Variants in KHDRBS3 observed in about 807,000 individuals in gnomAD.
KHDRBS3 encodes the protein KH domain-containing, RNA-binding, signal transduction-associated protein 3.
A neutral mutation model predicts 45.6 loss-of-function variants in KHDRBS3; 23 were observed. The ratio of observed to expected loss-of-function variants is 0.50; its 90% confidence interval spans 0.36 to 0.72. The LOEUF (loss-of-function observed/expected upper bound fraction) is 0.72, where lower values mean the gene tolerates loss of function less well. KHDRBS3 is among the 30% of genes least tolerant of loss of function. The pLI is 0.00. For synonymous variants in KHDRBS3, 162 were observed against 156.5 expected (o/e 1.04, Z -0.26); for missense variants, 352 against 424.8 (o/e 0.83, Z 1.51).
At chr8:135,636,041 C>T (rs1300616481) in intron 7 of KHDRBS3, among the ~76,000 whole-genome samples, 1 of 152,154 alleles carries the variant, frequency 6.6e-6, no homozygotes, top group Non-Finnish European at 1.5e-5. Context: ...AGTTGTTTTA[C>T]TTAAAGTGAC....
At chr8:135,614,429 G>A (rs956083846) in intron 7 of KHDRBS3, among the ~76,000 whole-genome samples, 3 of 151,688 alleles carry the variant, frequency 2.0e-5, no homozygotes, top group South Asian at 4.1e-4. Flanking sequence ...TATATTTGAT[G>A]TCTTATTTAC....
chr8:135,467,534 C>T (rs996638928), intron 1 of KHDRBS3, among the ~76,000 whole-genome samples: 2 of 152,242 alleles, frequency 1.3e-5, no homozygotes, highest in African/African-American at 2.4e-5. Flanking sequence ...CTTTGCCTTT[C>T]GTGATAGGCA....
chr8:135,588,305 G>A (rs945750047), intron 6 of KHDRBS3, among the ~76,000 whole-genome samples: 1 of 152,168 alleles, frequency 6.6e-6, no homozygotes, highest in Non-Finnish European at 1.5e-5. Flanking sequence ...TCAGATGGAA[G>A]AGACACATAG....
intron 1 of KHDRBS3, among the ~76,000 whole-genome samples, chr8:135,502,795 T>C (rs1045522280): frequency 6.6e-6 from 1 of 152,336 alleles, no homozygotes; most frequent in African/African-American, 2.4e-5. Context: ...AAAGAATAAA[T>C]GTCTCAATTT....
chr8:135,621,958 A>G (rs1830161562), intron 7 of KHDRBS3, among the ~76,000 whole-genome samples: 1 of 151,998 alleles, frequency 6.6e-6, no homozygotes, highest in East Asian at 1.9e-4. Flanking sequence ...CACTGGTCCA[A>G]GTGAATGTCA....
chr8:135,558,315 T>TC (rs5895314), intron 5 of KHDRBS3, among the ~76,000 whole-genome samples: 87,588 of 151,984 alleles, frequency 0.58, 26,196 homozygotes, highest in East Asian at 0.78. Context: ...TATGACTATC[T>TC]CAAATTTATT....
intron 7 of KHDRBS3, among the ~76,000 whole-genome samples, chr8:135,631,339 T>G (rs1276983017): frequency 6.6e-6 from 1 of 152,146 alleles, no homozygotes; most frequent in Non-Finnish European, 1.5e-5. Flanking sequence ...CTTTAGTTTT[T>G]TAACTTTTTG....
chr8:135,613,648 C>G (rs547922352), intron 7 of KHDRBS3, among the ~76,000 whole-genome samples: 1 of 151,746 alleles, frequency 6.6e-6, no homozygotes, highest in African/African-American at 2.4e-5. Flanking sequence ...TCTGGGAAAC[C>G]TGCAAGGACT....
At chr8:135,604,868 C>T (rs1467814656) in intron 6 of KHDRBS3, among the ~76,000 whole-genome samples, 6 of 150,658 alleles carry the variant, frequency 4.0e-5, no homozygotes, top group Non-Finnish European at 8.9e-5. Context: ...TTTGTCTTAA[C>T]TTCTCCTTCA....
At chr8:135,473,312 C>T (rs566765880) in intron 1 of KHDRBS3, among the ~76,000 whole-genome samples, 39 of 152,270 alleles carry the variant, frequency 2.6e-4, no homozygotes, top group African/African-American at 8.2e-4. Context: ...ATTTAGACGA[C>T]GCGCTTTGTG....
At chr8:135,527,906 AT>A (rs1825275258) in intron 2 of KHDRBS3, among the ~76,000 whole-genome samples, 1 of 152,178 alleles carries the variant, frequency 6.6e-6, no homozygotes, top group Non-Finnish European at 1.5e-5. Context: ...CTGTACATGA[AT>A]GTTTTAATAA....
intron 7 of KHDRBS3, among the ~76,000 whole-genome samples, chr8:135,622,412 T>C (rs1830184762): frequency 6.6e-6 from 1 of 152,202 alleles, no homozygotes; most frequent in African/African-American, 2.4e-5. Context: ...GATATGCAGA[T>C]TGATGTAAGT....
chr8:135,489,803 T>C (rs905912434), intron 1 of KHDRBS3, among the ~76,000 whole-genome samples: 4 of 152,180 alleles, frequency 2.6e-5, no homozygotes, highest in Non-Finnish European at 4.4e-5. Flanking sequence ...TTCTTAATAA[T>C]TCAGTGTAGC....
At chr8:135,559,751 A>G (rs1827078869) in intron 5 of KHDRBS3, among the ~76,000 whole-genome samples, 1 of 152,238 alleles carries the variant, frequency 6.6e-6, no homozygotes, top group Non-Finnish European at 1.5e-5. Flanking sequence ...GTAAATGCAG[A>G]TAAATAGTGA....
In KHDRBS3 at chr8:135,607,029, A is replaced by C; in HGVS notation, c.882A>C (p.Pro294=). ...CCTATGATAACAGCTATAGCACCCC[A>C]GCCCAAAGGTAAGAGTCAGTCTTTA... ...YDSYDNSYST[P]AQSGADYYDY... is the part of the protein sequence containing the mutation. Residue 294 remains proline, a synonymous_variant, in exon 7 of 9, where the codon CCA becomes CCC. Transcript: ENST00000355849. The C allele has an allele frequency of 1.2e-6, 2 of 1,612,644 alleles. No individual in the cohort carries two copies. The highest frequency in any genetic ancestry group is 1.7e-6 in the Non-Finnish European group (2 of 1,178,936).
At chr8:135,460,223 G>A (rs763466831) in intron 1 of KHDRBS3, among the ~76,000 whole-genome samples, 3 of 152,236 alleles carry the variant, frequency 2.0e-5, no homozygotes, top group Non-Finnish European at 4.4e-5. Flanking sequence ...GTTTTCAGCA[G>A]TTATTCACAT....
chr8:135,576,156 A>G (rs1445746820), intron 5 of KHDRBS3, among the ~76,000 whole-genome samples: 1 of 152,236 alleles, frequency 6.6e-6, no homozygotes, highest in African/African-American at 2.4e-5. Flanking sequence ...CATATCAAGT[A>G]TACGTACTGT....
intron 7 of KHDRBS3, among the ~76,000 whole-genome samples, chr8:135,636,054 G>C (rs1376436802): frequency 6.6e-6 from 1 of 152,118 alleles, no homozygotes; most frequent in African/African-American, 2.4e-5. Context: ...AAAGTGACAG[G>C]CTCACTTTAT....
At chr8:135,643,701 AC>A (rs1441320200) in intron 7 of KHDRBS3, among the ~76,000 whole-genome samples, 1 of 151,952 alleles carries the variant, frequency 6.6e-6, no homozygotes, top group Non-Finnish European at 1.5e-5. Context: ...TGGGGGAAAA[AC>A]TCCGTGTGGT....
Sources: gnomAD v4.1 joint callset for allele counts (sites outside exome capture counted in the v4.1 genomes callset) on GRCh38, gnomAD v4.1.1 for gene constraint, MANE v1.5 for transcripts, NCBI Gene and HGNC (gene_info 2026-07-23, HGNC 2026-07-21) for gene names.